Variants in GRXCR1 observed in about 807,000 individuals in gnomAD.
GRXCR1 encodes glutaredoxin and cysteine rich domain containing 1, also known as glutaredoxin domain-containing cysteine-rich protein 1.
GRXCR1 carries 27 observed loss-of-function variants against 27.3 expected under a neutral mutation model. The observed-to-expected ratio is 0.99, with a 90% CI of 0.73 to 1.37. The LOEUF (loss-of-function observed/expected upper bound fraction) is 1.37. Among genes scored for constraint, GRXCR1 ranks in the 40% most tolerant of loss-of-function variants. GRXCR1 has a pLI of 0.00. For missense variants in GRXCR1, 379 were observed against 354.4 expected (o/e 1.07, Z -0.56); for synonymous variants, 122 against 131.1 (o/e 0.93, Z 0.47).
intron 1 of GRXCR1, among the ~76,000 whole-genome samples, chr4:42,922,144 G>T (rs1747026815): frequency 6.6e-6 from 1 of 152,094 alleles, no homozygotes; most frequent in South Asian, 2.1e-4. Context: ...CCCTTATTTT[G>T]ATAGATATAT....
intron 2 of GRXCR1, among the ~76,000 whole-genome samples, chr4:42,988,926 C>A (rs1044700269): frequency 8.5e-5 from 13 of 152,130 alleles, no homozygotes; most frequent in South Asian, 2.1e-4. Context: ...CTATTATAAT[C>A]ATCTCTCCAT....
At chr4:42,976,151 G>C (rs1748513545) in intron 2 of GRXCR1, among the ~76,000 whole-genome samples, 1 of 151,968 alleles carries the variant, frequency 6.6e-6, no homozygotes, top group Non-Finnish European at 1.5e-5. Context: ...ATTTTTTTAT[G>C]TCAAAACCTG....
rs750665718 is a variant in GRXCR1, at chr4:42,962,952, G to A, written c.445G>A (p.Val149Ile). 4 of 1,612,654 alleles carry A rather than the reference G, an allele frequency of 2.5e-6. No individual in the cohort carries two copies. The South Asian group carries it at 3.3e-5, about 13-fold the overall frequency. Reference sequence around the variant, plus strand: ...GATTTATACCACCTGCCTTCGTGTGGTCCGGACAACCTTTGAAAGATGTGA... The same window carrying A: ...GATTTATACCACCTGCCTTCGTGTGATCCGGACAACCTTTGAAAGATGTGA... ...VVIYTTCLRV[V>I]RTTFERCELV... The change falls in exon 2 of 4, where the codon GTC becomes ATC. Residue 149 changes from valine (V) to isoleucine (I), a missense_variant. Transcript: ENST00000399770.
At chr4:42,997,863 C>A (rs778069962) in intron 2 of GRXCR1, among the ~76,000 whole-genome samples, 1 of 152,166 alleles carries the variant, frequency 6.6e-6, no homozygotes, top group Non-Finnish European at 1.5e-5. Flanking sequence ...CTGTGTGGCT[C>A]CTGCATGGCA....
At chr4:42,910,539 G>T (rs1458070657) in intron 1 of GRXCR1, among the ~76,000 whole-genome samples, 1 of 152,068 alleles carries the variant, frequency 6.6e-6, no homozygotes, top group African/African-American at 2.4e-5. Context: ...GTCAGAAAAA[G>T]CACAGGATAG....
chr4:42,999,180 A>G (rs1352267236), intron 2 of GRXCR1, among the ~76,000 whole-genome samples: 2 of 152,110 alleles, frequency 1.3e-5, no homozygotes, highest in African/African-American at 4.8e-5. Flanking sequence ...CCTCAGGTGT[A>G]TTTCTTCTTT....
chr4:42,905,082 G>A (rs371340133), intron 1 of GRXCR1, among the ~76,000 whole-genome samples: 23 of 152,290 alleles, frequency 1.5e-4, no homozygotes, highest in South Asian at 6.2e-4. Context: ...ACTTGGCTCC[G>A]ACCCTGCCAC....
intron 2 of GRXCR1, among the ~76,000 whole-genome samples, chr4:43,015,365 A>T (rs1047240871): frequency 6.6e-6 from 1 of 152,190 alleles, no homozygotes; most frequent in African/African-American, 2.4e-5. Flanking sequence ...CAGTTAAGTG[A>T]GAGGGAAAAG....
At chr4:42,999,144 G>A (rs1712268934) in intron 2 of GRXCR1, among the ~76,000 whole-genome samples, 1 of 152,172 alleles carries the variant, frequency 6.6e-6, no homozygotes, top group Non-Finnish European at 1.5e-5. Context: ...AGGGCAGGCA[G>A]GCTTGCATTC....
At chr4:42,906,886 G>A (rs1746608596) in intron 1 of GRXCR1, among the ~76,000 whole-genome samples, 2 of 152,078 alleles carry the variant, frequency 1.3e-5, no homozygotes, top group South Asian at 2.1e-4. Flanking sequence ...ATTTGTCCCC[G>A]AATATTTTGG....
intron 1 of GRXCR1, among the ~76,000 whole-genome samples, chr4:42,942,577 C>T (rs1285526539): frequency 6.6e-6 from 1 of 152,086 alleles, no homozygotes; most frequent in African/African-American, 2.4e-5. Flanking sequence ...GAAAACACTG[C>T]AAGCCTTCAG....
chr4:43,027,973 G>A (rs1189897843), intron 3 of GRXCR1, among the ~76,000 whole-genome samples: 2 of 152,092 alleles, frequency 1.3e-5, no homozygotes, highest in African/African-American at 4.8e-5. Context: ...GCCAGGCGTG[G>A]TGACATGCAC....
chr4:42,974,245 T>C (rs1284179992), intron 2 of GRXCR1, among the ~76,000 whole-genome samples: 1 of 152,048 alleles, frequency 6.6e-6, no homozygotes, highest in Non-Finnish European at 1.5e-5. Flanking sequence ...GTAGGAGGGA[T>C]GAAATCATCA....
chr4:42,956,952 T>G (rs1181730621), intron 1 of GRXCR1, among the ~76,000 whole-genome samples: 1 of 152,088 alleles, frequency 6.6e-6, no homozygotes, highest in African/African-American at 2.4e-5. Flanking sequence ...AAATACAACA[T>G]GGCTATAAAA....
intron 2 of GRXCR1, among the ~76,000 whole-genome samples, chr4:42,967,487 G>A (rs1390650628): frequency 6.6e-6 from 1 of 151,842 alleles, no homozygotes; most frequent in Non-Finnish European, 1.5e-5. Context: ...CACTTAATAT[G>A]CTCAATATTT....
chr4:42,961,310 C>T (rs1192074728), intron 1 of GRXCR1, among the ~76,000 whole-genome samples: 3 of 151,846 alleles, frequency 2.0e-5, no homozygotes, highest in Non-Finnish European at 4.4e-5. Context: ...GCTATGCTCT[C>T]TTTATCTTAG....
chr4:42,911,708 C>G (rs1746725799), intron 1 of GRXCR1, among the ~76,000 whole-genome samples: 1 of 152,042 alleles, frequency 6.6e-6, no homozygotes, highest in Admixed American at 6.6e-5. Flanking sequence ...GCTGTGAAAT[C>G]TTGGGCAAAA....
intron 1 of GRXCR1, among the ~76,000 whole-genome samples, chr4:42,917,179 CTCTG>C (rs950586102): frequency 5.4e-4 from 82 of 152,174 alleles, no homozygotes; most frequent in African/African-American, 1.8e-3. Flanking sequence ...CTATCTATTT[CTCTG>C]TCTATCTATT....
chr4:42,971,542 T>C (rs1748387352), intron 2 of GRXCR1, among the ~76,000 whole-genome samples: 1 of 151,988 alleles, frequency 6.6e-6, no homozygotes, highest in African/African-American at 2.4e-5. Context: ...GTCTTTACCA[T>C]GGCAGAGCAG....
Sources: gnomAD v4.1 joint callset for allele counts (sites outside exome capture counted in the v4.1 genomes callset) on GRCh38, gnomAD v4.1.1 for gene constraint, MANE v1.5 for transcripts, NCBI Gene and HGNC (gene_info 2026-07-23, HGNC 2026-07-21) for gene names.